The following SIN3B variants were observed in gnomAD, a reference collection of about 807,000 sequenced individuals.
The protein encoded by SIN3B is paired amphipathic helix protein Sin3b.
Under a neutral mutation model 120.2 loss-of-function variants are expected in SIN3B, and 19 were observed. The observed-to-expected ratio is 0.16, with a 90% confidence interval of 0.11 to 0.23. The LOEUF (loss-of-function observed/expected upper bound fraction) is 0.23. Among genes scored for constraint, SIN3B ranks in the 10% least tolerant of loss-of-function variants. The pLI, the probability that SIN3B is intolerant of heterozygous loss-of-function variation, is 1.00. For missense variants in SIN3B, 1,073 were observed against 1,573.0 expected (o/e 0.68, Z 5.38); for synonymous variants, 654 against 653.2 (o/e 1.00, Z -0.02).
intron 8 of SIN3B, 141 bp downstream of exon 8, chr19:16,854,402 AT>A (rs1200934836): frequency 8.2e-6 from 5 of 610,520 alleles, no homozygotes; most frequent in Non-Finnish European, 1.1e-5. Context: ...TGATATAATT[AT>A]TGATTCCCAT....
At chr19:16,847,578 C>T (rs1971495075) in intron 5 of SIN3B, among the ~76,000 whole-genome samples, 1 of 152,092 alleles carries the variant, frequency 6.6e-6, no homozygotes, top group African/African-American at 2.4e-5. Context: ...GTGGCCTGGC[C>T]CTGACCATGG....
intron 5 of SIN3B, among the ~76,000 whole-genome samples, chr19:16,850,652 A>G (rs1215607850): frequency 6.6e-6 from 1 of 152,180 alleles, no homozygotes; most frequent in African/African-American, 2.4e-5. Flanking sequence ...AGGTGACCGC[A>G]GTGGCACAGA....
At chr19:16,833,695 C>G (rs1568411332) in intron 3 of SIN3B, among the ~76,000 whole-genome samples, 1 of 151,194 alleles carries the variant, frequency 6.6e-6, no homozygotes, top group Non-Finnish European at 1.5e-5. Flanking sequence ...CCTGTTGTCT[C>G]CTGAAAGCCA....
In SIN3B at chr19:16,829,458, C is replaced by G; in HGVS notation, c.38C>G (p.Ala13Gly). Residue 13 changes from alanine to glycine, a missense_variant, in exon 1 of 19, where the codon GCC becomes GGC. By Grantham distance (60) the Ala-to-Gly change is moderately conservative. Coordinates refer to ENST00000248054, the MANE Select transcript of SIN3B (RefSeq NM_001297595.2). ...HAGGGSGGSG[A>G]GGPAGRGLSG... The stretch of plus-strand genomic sequence containing the variant: ...GGCGGTGGCAGCGGTGGCAGCGGTG[C>G]CGGCGGCCCCGCGGGCCGGGGGCTG... 1 of 1,213,710 alleles carries G rather than the reference C, an allele frequency of 8.2e-7. No individual in the cohort carries two copies. Among genetic ancestry groups the G allele is most frequent in the Non-Finnish European group, 1.0e-6 (1 of 976,044 alleles). 75.2% of individuals were successfully genotyped at this position (1,213,710 alleles called of 1,614,324 possible).
At chr19:16,877,719 A>T in intron 17 of SIN3B, 80 bp downstream of exon 17, 1 of 979,116 alleles carries the variant, frequency 1.0e-6, no homozygotes, top group Non-Finnish European at 1.6e-6. Flanking sequence ...CGGGGGCTGG[A>T]CCATGGCACA....
At chr19:16,875,993 G>T (rs1167035815) in intron 14 of SIN3B, 62 bp from the exon 15 acceptor site, 14 of 1,497,424 alleles carry the variant, frequency 9.3e-6, no homozygotes, top group Non-Finnish European at 1.3e-5. Context: ...CTTCCTCTGT[G>T]GGTGAGGTGG....
At chr19:16,845,880 C>A (rs960959041) in intron 4 of SIN3B, among the ~76,000 whole-genome samples, 3 of 152,184 alleles carry the variant, frequency 2.0e-5, no homozygotes, top group African/African-American at 7.2e-5. Flanking sequence ...TGTCACCATG[C>A]CTACATAATG....
chr19:16,865,936 T>G (rs141116296), intron 11 of SIN3B, among the ~76,000 whole-genome samples: 11 of 152,316 alleles, frequency 7.2e-5, no homozygotes, highest in African/African-American at 2.6e-4. Flanking sequence ...ACCACTACAC[T>G]GTGGCTTGCA....
At chr19:16,840,775 G>A (rs1971407311) in intron 3 of SIN3B, among the ~76,000 whole-genome samples, 1 of 152,148 alleles carries the variant, frequency 6.6e-6, no homozygotes, top group Non-Finnish European at 1.5e-5. Flanking sequence ...TGGGCACTGG[G>A]GATACAGCCC....
intron 6 of SIN3B, among the ~76,000 whole-genome samples, chr19:16,852,178 G>A (rs1347435515): frequency 6.6e-6 from 1 of 152,148 alleles, no homozygotes; most frequent in Non-Finnish European, 1.5e-5. Context: ...CCAGGCTGGA[G>A]TGCAGTGGCG....
Position 16,862,679 on chromosome 19 carries a change from G to C in SIN3B, c.1266+120G>C. On this transcript the variant is annotated intron_variant, in intron 9 of 18. Coordinates refer to ENST00000248054, the MANE Select transcript of SIN3B (RefSeq NM_001297595.2). This position sits in a 1 kb window ranked among gnomAD's most constrained non-coding sequence, Gnocchi z 4.7. ...GTGTGCTCAGCCCTCCTGAATGTTG[G>C]GTTATGGGTGGTGCTGGGATGTGGC... is the stretch of plus-strand genomic sequence containing the variant. 8.7e-7 allele frequency: 1 copy of C among 1,154,570 alleles called. No individual in the cohort carries two copies. The allele number at this position is 1,154,570 out of a possible 1,614,324, so 71.5% of individuals were successfully genotyped here.
chr19:16,834,666 C>T (rs905553905), intron 3 of SIN3B, among the ~76,000 whole-genome samples: 1 of 152,204 alleles, frequency 6.6e-6, no homozygotes, highest in Non-Finnish European at 1.5e-5. Context: ...TGGGAGCCCA[C>T]TGGCTTCCAG....
chr19:16,874,279 C>T (rs1225264992), intron 14 of SIN3B, among the ~76,000 whole-genome samples: 2 of 152,140 alleles, frequency 1.3e-5, no homozygotes, highest in Non-Finnish European at 2.9e-5. Context: ...GCTGGTCTGG[C>T]CTGGTCTGTT....
intron 5 of SIN3B, among the ~76,000 whole-genome samples, chr19:16,848,974 G>A (rs1021857374): frequency 6.6e-6 from 1 of 152,110 alleles, no homozygotes; most frequent in South Asian, 2.1e-4. Flanking sequence ...CAGGGCACCC[G>A]GCTAGCTCAG....
At chr19:16,832,554 G>A (rs1385209786) in intron 3 of SIN3B, among the ~76,000 whole-genome samples, 2 of 149,044 alleles carry the variant, frequency 1.3e-5, no homozygotes, top group Non-Finnish European at 3.0e-5. Context: ...AGGCTGGAGT[G>A]CAGTGGTGCC....
rs75607596 is a variant in SIN3B at position 16,871,692 on chromosome 19, C to T, written c.2592+294C>T. 703 of 331,374 alleles carry T rather than the reference C, an allele frequency of 2.1e-3. 3 individuals carry two copies. Among genetic ancestry groups the T allele is most frequent in the African/African-American group, 0.013 (616 of 45,914 alleles). The allele number at this position is 331,374 out of a possible 1,614,324, so 20.5% of individuals were successfully genotyped here. ...GCAGCCACTGCCCATTCCCCTGCCC[C>T]GAGCCCCTGACATCCAGTCAACTGC... On this transcript the variant is annotated intron_variant, in intron 14 of 18. Coordinates refer to ENST00000248054, the MANE Select transcript of SIN3B (RefSeq NM_001297595.2).
chr19:16,853,896 G>A (rs1320314444), intron 7 of SIN3B, among the ~76,000 whole-genome samples: 1 of 151,194 alleles, frequency 6.6e-6, no homozygotes, highest in Non-Finnish European at 1.5e-5. Flanking sequence ...TCACGTGCCT[G>A]TGCTGTGTGA....
Position 16,865,573 on chromosome 19 carries a change from A to G in SIN3B, c.1547A>G (p.Tyr516Cys), listed in dbSNP as rs1382475708. 1 of 1,613,336 alleles carries G rather than the reference A, an allele frequency of 6.2e-7. No individual in the cohort carries two copies. The highest frequency in any genetic ancestry group is 8.5e-7 in the Non-Finnish European group (1 of 1,179,668). Reference protein sequence around the residue: ...VIQRRAIYRIYGDKAPEIIES... With the variant: ...VIQRRAIYRICGDKAPEIIES... ...CAGCGCCGTGCCATTTATCGCATCT[A>G]TGGCGACAAGGCCCCGGAGATCATC... The change falls in exon 11 of 19, where the codon TAT becomes TGT. Residue 516 changes from tyrosine to cysteine, a missense_variant. Physicochemically the swap from Tyr to Cys is radical, Grantham distance 194 (BLOSUM62 -2). Around this residue, in one of 7 missense-constraint regions of SIN3B, gnomAD observed 118 missense variants for 281.6 expected, o/e 0.42. Coordinates refer to ENST00000248054, the MANE Select transcript of SIN3B (RefSeq NM_001297595.2).
chr19:16,846,649 C>T (rs529613520), intron 4 of SIN3B, among the ~76,000 whole-genome samples: 3 of 152,246 alleles, frequency 2.0e-5, no homozygotes, highest in African/African-American at 4.8e-5. Flanking sequence ...CCCCATTTCC[C>T]TTGGGAAGGC....
Sources: allele counts gnomAD v4.1 joint callset (sites outside exome capture counted in the v4.1 genomes callset), GRCh38; gene constraint gnomAD v4.1.1; regional missense constraint gnomAD v4.1.1; non-coding constraint Gnocchi (gnomAD v3.1); transcripts MANE v1.5; gene names NCBI Gene and HGNC (gene_info 2026-07-23, HGNC 2026-07-21).